The following NTM variants were observed in gnomAD, a reference collection of about 807,000 sequenced individuals.
NTM encodes neurotrimin.
A neutral mutation model predicts 42.1 loss-of-function variants in NTM; 13 were observed. That is an observed-to-expected ratio of 0.31 (90% CI 0.20 to 0.49). The LOEUF is 0.49. Ranked by LOEUF, NTM falls within the 20% of genes least tolerant of loss-of-function variation. NTM has a pLI of 0.99. For synonymous variants in NTM, 187 were observed against 179.2 expected (o/e 1.04, Z -0.35); for missense variants, 373 against 452.8 (o/e 0.82, Z 1.60).
In NTM at chr11:131,793,617, C is replaced by T. The variant is rs189352930; in HGVS notation, c.83-117947C>T. ...AAGAAAGTCTAAACAGCACTTACCA[C>T]TGCTCTGTAATAGTTCAGGTTTACA... On this transcript the variant is annotated intron_variant, in intron 1 of 8. Coordinates refer to ENST00000683400, the MANE Select transcript of NTM (RefSeq NM_001352005.2). Among the ~76,000 whole-genome samples the T allele has an allele frequency of 1.0e-3, 159 of 152,354 alleles. 1 individual carries two copies. The highest frequency in any genetic ancestry group is 3.7e-3 in the African/African-American group (154 of 41,586).
chr11:131,411,004 T>C (rs1265816914), intron 1 of NTM, among the ~76,000 whole-genome samples: 1 of 152,176 alleles, frequency 6.6e-6, no homozygotes, highest in Non-Finnish European at 1.5e-5. Flanking sequence ...CATTTCACCC[T>C]CATTTGCTGC....
chr11:132,169,436 ATCAAT>A (rs992882857), intron 3 of NTM, among the ~76,000 whole-genome samples: 46 of 133,568 alleles, frequency 3.4e-4, no homozygotes, highest in African/African-American at 1.2e-3. Flanking sequence ...CCTGGGTTCA[ATCAAT>A]TCTCCTGCCT....
In NTM at chr11:131,598,703, CTTTCTTTCTT is replaced by C. The variant is rs765448328; in HGVS notation, c.82+227817_82+227826del. Among the ~76,000 whole-genome samples the C allele has an allele frequency of 2.1e-3, 96 of 46,538 alleles. 6 individuals carry two copies. The highest frequency in any genetic ancestry group is 3.7e-3 in the Non-Finnish European group (63 of 16,948). 30.5% of individuals were successfully genotyped at this position (46,538 alleles called of 152,430 possible). ...ATTTGTTTTCTTTCTTTCTTTCTTTCTTTCTTTCTTTCTTTCTTTCTTTCTTTCTTTCTTT... is the reference window on the plus strand; with the variant it reads ...ATTTGTTTTCTTTCTTTCTTTCTTTCTCTTTCTTTCTTTCTTTCTTTCTTT... On this transcript the variant is annotated intron_variant, in intron 1 of 8. Transcript: ENST00000683400.
intron 4 of NTM, among the ~76,000 whole-genome samples, chr11:132,227,542 T>G (rs1171348721): frequency 1.3e-5 from 2 of 152,126 alleles, no homozygotes; most frequent in East Asian, 1.9e-4. Context: ...GGTCCTTTAC[T>G]GGCTATTATT....
chr11:132,157,694 A>G (rs2073480924), intron 3 of NTM, among the ~76,000 whole-genome samples: 1 of 152,156 alleles, frequency 6.6e-6, no homozygotes, highest in South Asian at 2.1e-4. Flanking sequence ...TATGTGTCTC[A>G]TAGGCATCTC....
At chr11:131,986,869 A>G (rs1186058148) in intron 2 of NTM, among the ~76,000 whole-genome samples, 1 of 152,194 alleles carries the variant, frequency 6.6e-6, no homozygotes, top group East Asian at 1.9e-4. Context: ...CTTAATTCTT[A>G]TGGGGGAAAT....
intron 2 of NTM, among the ~76,000 whole-genome samples, chr11:131,999,677 A>G (rs2068785954): frequency 6.6e-6 from 1 of 152,212 alleles, no homozygotes; most frequent in African/African-American, 2.4e-5. Context: ...CTCTGTTTTG[A>G]AGAGCCTTGT....
At chr11:131,869,268 G>A (rs1565651973) in intron 1 of NTM, among the ~76,000 whole-genome samples, 1 of 152,190 alleles carries the variant, frequency 6.6e-6, no homozygotes, top group Non-Finnish European at 1.5e-5. Context: ...CAAACTCATA[G>A]CTGCTTCTCC....
At chr11:131,803,418 C>T (rs1168427606) in intron 1 of NTM, among the ~76,000 whole-genome samples, 4 of 151,746 alleles carry the variant, frequency 2.6e-5, no homozygotes, top group Non-Finnish European at 5.9e-5. Context: ...AAGCAATTCT[C>T]CTGCCTCAGC....
intron 1 of NTM, among the ~76,000 whole-genome samples, chr11:131,439,541 G>T (rs1485315711): frequency 6.6e-6 from 1 of 152,226 alleles, no homozygotes; most frequent in African/African-American, 2.4e-5. Context: ...CTGCCAGGCT[G>T]CTGCCTTGCA....
chr11:131,623,927 G>A (rs561810066), intron 1 of NTM, among the ~76,000 whole-genome samples: 2 of 152,310 alleles, frequency 1.3e-5, no homozygotes, highest in Admixed American at 6.5e-5. Context: ...TACCCTGGCC[G>A]CTCCGACCTT....
intron 2 of NTM, among the ~76,000 whole-genome samples, chr11:132,037,248 G>A (rs982012600): frequency 1.3e-5 from 2 of 152,066 alleles, no homozygotes; most frequent in South Asian, 2.1e-4. Context: ...GTAAGAGAGA[G>A]GGGGAGCCCT....
At chr11:132,110,368 A>G (rs1394863642) in intron 2 of NTM, among the ~76,000 whole-genome samples, 1 of 152,238 alleles carries the variant, frequency 6.6e-6, no homozygotes, top group African/African-American at 2.4e-5. Context: ...AAGTTTCTGC[A>G]TGTCTTATCT....
chr11:131,631,788 C>A (rs1400118971), intron 1 of NTM, among the ~76,000 whole-genome samples: 2 of 152,212 alleles, frequency 1.3e-5, no homozygotes, highest in African/African-American at 4.8e-5. Context: ...TGCCCTGTAT[C>A]TTTCAGGCAA....
intron 8 of NTM, among the ~76,000 whole-genome samples, chr11:132,334,625 GGTGA>G (rs1162582675): frequency 3.3e-5 from 5 of 152,172 alleles, no homozygotes; most frequent in Admixed American, 3.3e-4. Context: ...CTGGAGGGTG[GGTGA>G]GTATTTCAGG....
rs917122056 is a variant in NTM at position 131,711,875 on chromosome 11, G to A, written c.83-199689G>A. On this transcript the variant is annotated intron_variant, in intron 1 of 8. Coordinates refer to ENST00000683400, the MANE Select transcript of NTM (RefSeq NM_001352005.2). Reference sequence around the variant, plus strand: ...AAATCATCATTCTCAGTAAACTATCGCAAGGACAAAAAAACCAAACACCGC... The same window carrying A: ...AAATCATCATTCTCAGTAAACTATCACAAGGACAAAAAAACCAAACACCGC... Among the ~76,000 whole-genome samples, 6 of 149,470 alleles carry A rather than the reference G, an allele frequency of 4.0e-5. 1 individual carries two copies. Among genetic ancestry groups the A allele is most frequent in the East Asian group, 4.0e-4 (2 of 4,960 alleles).
intron 3 of NTM, among the ~76,000 whole-genome samples, chr11:132,168,838 G>T (rs929521721): frequency 2.0e-5 from 3 of 152,152 alleles, no homozygotes; most frequent in Admixed American, 6.5e-5. Flanking sequence ...AGCTTGCCTT[G>T]CCAGTGCACT....
At chr11:131,889,542 A>T (rs1306433319) in intron 1 of NTM, among the ~76,000 whole-genome samples, 5 of 152,296 alleles carry the variant, frequency 3.3e-5, no homozygotes, top group African/African-American at 4.8e-5. Context: ...TTAAAAAAAA[A>T]TACATTAGAA....
chr11:132,122,389 G>C (rs998357662), intron 2 of NTM, among the ~76,000 whole-genome samples: 1 of 152,206 alleles, frequency 6.6e-6, no homozygotes, highest in African/African-American at 2.4e-5. Flanking sequence ...CAACTCTGTA[G>C]TCAGCAAATC....
Sources: gnomAD v4.1 joint callset for allele counts (sites outside exome capture counted in the v4.1 genomes callset) on GRCh38, gnomAD v4.1.1 for gene constraint, MANE v1.5 for transcripts, NCBI Gene and HGNC (gene_info 2026-07-23, HGNC 2026-07-21) for gene names.